Variants in ADAMTSL3 observed in about 807,000 individuals in gnomAD.
ADAMTSL3 encodes the protein ADAMTS like 3, also known as ADAMTS-like protein 3.
In ADAMTSL3, 128 loss-of-function variants were observed where a neutral mutation model predicts 201.7. The ratio of observed to expected loss-of-function variants is 0.63; its 90% CI spans 0.55 to 0.73. ADAMTSL3 has a LOEUF of 0.73. ADAMTSL3 is among the 30% of genes least tolerant of loss of function. ADAMTSL3 has a pLI of 0.00. For missense variants in ADAMTSL3, 1,990 were observed against 2,119.6 expected (o/e 0.94, Z 1.20); for synonymous variants, 738 against 748.4 (o/e 0.99, Z 0.23).
intron 26 of ADAMTSL3, 85 bp downstream of exon 26, chr15:84,021,678 A>G (rs1397518261): frequency 6.9e-7 from 1 of 1,445,828 alleles, no homozygotes; most frequent in African/African-American, 1.4e-5. Flanking sequence ...TAATAATTCA[A>G]TAGCTAAGTT....
At chr15:83,859,969 C>T (rs1268488212) in intron 8 of ADAMTSL3, among the ~76,000 whole-genome samples, 2 of 151,938 alleles carry the variant, frequency 1.3e-5, no homozygotes, top group African/African-American at 4.8e-5. Flanking sequence ...TTGAGACAAG[C>T]CTGGGCAGCA....
At chr15:83,943,189 G>T in intron 19 of ADAMTSL3, 107 bp downstream of exon 19, 1 of 1,274,514 alleles carries the variant, frequency 7.8e-7, no homozygotes, top group Non-Finnish European at 1.1e-6. Context: ...AGATGAGTAT[G>T]GGTCCTAGGG....
chr15:83,816,854 G>T (rs1162760218), intron 5 of ADAMTSL3, among the ~76,000 whole-genome samples: 1 of 152,196 alleles, frequency 6.6e-6, no homozygotes, highest in Non-Finnish European at 1.5e-5. Context: ...AAATTAGCTG[G>T]ATGTAGTGGC....
chr15:83,715,908 G>A (rs1037482527), intron 3 of ADAMTSL3, among the ~76,000 whole-genome samples: 2 of 152,160 alleles, frequency 1.3e-5, no homozygotes, highest in African/African-American at 2.4e-5. Context: ...TGTTTTCTGC[G>A]ATGTCCAGCT....
At chr15:83,972,707 G>A (rs1340828603) in intron 20 of ADAMTSL3, among the ~76,000 whole-genome samples, 1 of 152,144 alleles carries the variant, frequency 6.6e-6, no homozygotes, top group Non-Finnish European at 1.5e-5. Flanking sequence ...TGCCAAACAT[G>A]TAGGTCATGA....
intron 5 of ADAMTSL3, among the ~76,000 whole-genome samples, chr15:83,810,129 C>T (rs144719474): frequency 7.9e-4 from 120 of 152,280 alleles, no homozygotes; most frequent in Non-Finnish European, 1.2e-3. Context: ...TTTACTGGGG[C>T]ACTCAAACTC....
chr15:83,879,290 C>A (rs2065231732), intron 9 of ADAMTSL3, among the ~76,000 whole-genome samples: 1 of 152,094 alleles, frequency 6.6e-6, no homozygotes, highest in African/African-American at 2.4e-5. Context: ...ACTCTTACTT[C>A]TTTAGATCCC....
chr15:83,689,909 T>C (rs1432853675), intron 2 of ADAMTSL3, among the ~76,000 whole-genome samples: 4 of 152,186 alleles, frequency 2.6e-5, no homozygotes, highest in Non-Finnish European at 4.4e-5. Context: ...TAAAACCTTG[T>C]GGTTGTATTG....
chr15:83,996,672 T>C (rs2067692236), intron 23 of ADAMTSL3, among the ~76,000 whole-genome samples: 1 of 148,912 alleles, frequency 6.7e-6, no homozygotes, highest in Non-Finnish European at 1.5e-5. Context: ...TCCCAGCTAC[T>C]TGGGAGGCTG....
At chr15:83,859,038 A>G (rs934334899) in intron 8 of ADAMTSL3, among the ~76,000 whole-genome samples, 198 bp downstream of exon 8, 2 of 152,232 alleles carry the variant, frequency 1.3e-5, no homozygotes, top group African/African-American at 4.8e-5. Flanking sequence ...GCAGCCAGAG[A>G]CAGTGAGGCA....
intron 16 of ADAMTSL3, among the ~76,000 whole-genome samples, chr15:83,922,921 AGTTT>A (rs2066174092): frequency 6.6e-6 from 1 of 152,212 alleles, no homozygotes. Flanking sequence ...TTGCTATTAC[AGTTT>A]GTTTGTGACT....
At chr15:83,730,498 A>G (rs2062248364) in intron 3 of ADAMTSL3, among the ~76,000 whole-genome samples, 1 of 152,136 alleles carries the variant, frequency 6.6e-6, no homozygotes. Context: ...GAAAGAGGTA[A>G]AAAACGGAGG....
chr15:83,991,116 A>T lies in ADAMTSL3; in HGVS notation c.3875A>T (p.Asn1292Ile). ...EAPVILSVER[N>I]ITKPEHNHLS... Reference sequence around the variant, plus strand: ...CCTGTCATCTTGTCTGTTGAAAGAAATATCACCAAACCAGAGCACAACCAT... The same window carrying T: ...CCTGTCATCTTGTCTGTTGAAAGAATTATCACCAAACCAGAGCACAACCAT... The change falls in exon 23 of 30, where the codon AAT becomes ATT. Residue 1292 changes from asparagine to isoleucine, a missense_variant. By Grantham distance (149) the Asn-to-Ile change is moderately radical (BLOSUM62 -3). Coordinates refer to ENST00000286744, the MANE Select transcript of ADAMTSL3 (RefSeq NM_207517.3). 6.2e-7 allele frequency: 1 copy of T among 1,614,192 alleles called. No individual in the cohort carries two copies. The highest frequency in any genetic ancestry group is 8.5e-7 in the Non-Finnish European group (1 of 1,180,024).
intron 20 of ADAMTSL3, among the ~76,000 whole-genome samples, chr15:83,972,858 A>G: frequency 6.6e-6 from 1 of 152,090 alleles, no homozygotes; most frequent in East Asian, 1.9e-4. Flanking sequence ...TTCTGCTTCT[A>G]CACTTTCACA....
chr15:84,005,528 A>G (rs1335961011), intron 23 of ADAMTSL3, among the ~76,000 whole-genome samples: 2 of 152,192 alleles, frequency 1.3e-5, no homozygotes, highest in African/African-American at 2.4e-5. Context: ...GTTTTGATAT[A>G]ATAATTTTCA....
At position 83,892,708 on chromosome 15, in the gene ADAMTSL3, A is replaced by G; in HGVS notation, c.1287A>G (p.Ala429=). 6.2e-7 allele frequency: 1 copy of G among 1,613,924 alleles called. No homozygotes were observed. The highest frequency in any genetic ancestry group is 8.5e-7 in the Non-Finnish European group (1 of 1,179,936). Residue 429 remains alanine, a synonymous_variant, in exon 13 of 30, where the codon GCA becomes GCG. Coordinates refer to ENST00000286744, the MANE Select transcript of ADAMTSL3 (RefSeq NM_207517.3). Reference sequence around the variant, plus strand: ...GCTGGGAACATAATCCTTGGACTGCATGTTCCGTGTCCTGTGGAGGAGGGA... The same window carrying G: ...GCTGGGAACATAATCCTTGGACTGCGTGTTCCGTGTCCTGTGGAGGAGGGA... ...LPRWEHNPWT[A]CSVSCGGGIQ...
At chr15:83,718,563 G>A (rs1344268565) in intron 3 of ADAMTSL3, among the ~76,000 whole-genome samples, 3 of 151,878 alleles carry the variant, frequency 2.0e-5, no homozygotes, top group Admixed American at 6.6e-5. Flanking sequence ...AATTAGCCAG[G>A]CGTGGTGGTG....
intron 6 of ADAMTSL3, among the ~76,000 whole-genome samples, chr15:83,820,440 G>C (rs537108523): frequency 6.6e-6 from 1 of 152,174 alleles, no homozygotes; most frequent in Non-Finnish European, 1.5e-5. Flanking sequence ...TGTGATAACA[G>C]AGTGTTGGGC....
At chr15:83,875,165 A>G (rs2065154697) in intron 9 of ADAMTSL3, among the ~76,000 whole-genome samples, 1 of 152,248 alleles carries the variant, frequency 6.6e-6, no homozygotes, top group African/African-American at 2.4e-5. Context: ...GTCAGTTTGC[A>G]CTGAAAATCT....
Sources: allele counts gnomAD v4.1 joint callset (sites outside exome capture counted in the v4.1 genomes callset), GRCh38; gene constraint gnomAD v4.1.1; transcripts MANE v1.5; gene names NCBI Gene and HGNC (gene_info 2026-07-23, HGNC 2026-07-21).